CLEC16A: variants seen among roughly 807,000 people sequenced by gnomAD.
The protein encoded by CLEC16A is C-type lectin domain containing 16A.
CLEC16A carries 51 observed loss-of-function variants against 109.5 expected under a neutral mutation model. The observed-to-expected ratio is 0.47, with a 90% confidence interval of 0.37 to 0.59. The LOEUF is 0.59. CLEC16A is among the 20% of genes least tolerant of loss of function. The pLI is 0.00. For missense variants in CLEC16A, 1,339 were observed against 1,394.0 expected (o/e 0.96, Z 0.63); for synonymous variants, 673 against 564.2 (o/e 1.19, Z -2.73).
intron 13 of CLEC16A, among the ~76,000 whole-genome samples, chr16:11,032,444 T>C (rs1411526484): frequency 6.6e-6 from 1 of 152,222 alleles, no homozygotes; most frequent in Non-Finnish European, 1.5e-5. Flanking sequence ...TGAGAGGCTT[T>C]CTTATCATTC....
intron 19 of CLEC16A, among the ~76,000 whole-genome samples, chr16:11,088,031 C>T (rs1161804859): frequency 6.6e-6 from 1 of 152,256 alleles, no homozygotes; most frequent in Non-Finnish European, 1.5e-5. Context: ...ACCTTCAGAT[C>T]CTCTTTCCAT....
At chr16:11,014,688 G>A (rs536901857) in intron 11 of CLEC16A, among the ~76,000 whole-genome samples, 4 of 152,324 alleles carry the variant, frequency 2.6e-5, no homozygotes, top group South Asian at 4.1e-4. Flanking sequence ...TGGAAATCCA[G>A]CCTCAGTGCC....
At chr16:11,172,788 C>T (rs1341259567) in intron 23 of CLEC16A, among the ~76,000 whole-genome samples, 1 of 152,098 alleles carries the variant, frequency 6.6e-6, no homozygotes, top group Non-Finnish European at 1.5e-5. Flanking sequence ...ACTCGGGAGG[C>T]TGAGGCAGAA....
intron 22 of CLEC16A, chr16:11,136,257 G>C (rs1442334035): frequency 3.3e-5 from 5 of 152,242 alleles, no homozygotes; most frequent in Non-Finnish European, 7.3e-5. Flanking sequence ...GACAATGTGA[G>C]TGGACTTAAG....
chr16:11,164,159 G>A (rs917976802), intron 22 of CLEC16A, among the ~76,000 whole-genome samples: 21 of 152,104 alleles, frequency 1.4e-4, no homozygotes, highest in Non-Finnish European at 2.2e-4. Flanking sequence ...CTTTCTCTCC[G>A]CAAGCAGACC....
chr16:11,031,698 C>T (rs1427948495), intron 13 of CLEC16A, among the ~76,000 whole-genome samples: 11 of 152,164 alleles, frequency 7.2e-5, no homozygotes, highest in Non-Finnish European at 1.6e-4. Context: ...TCTGGATTCT[C>T]TTAGAGGAGA....
At chr16:11,064,725 C>T (rs887464349) in intron 19 of CLEC16A, among the ~76,000 whole-genome samples, 3 of 152,112 alleles carry the variant, frequency 2.0e-5, no homozygotes, top group African/African-American at 7.2e-5. Context: ...TGCAGTGAAC[C>T]CTGATCATGC....
At chr16:10,999,961 C>G (rs945024214) in intron 10 of CLEC16A, among the ~76,000 whole-genome samples, 4 of 152,134 alleles carry the variant, frequency 2.6e-5, no homozygotes, top group South Asian at 2.1e-4. Flanking sequence ...CTCAGCCTCC[C>G]GAGTAGTTGG....
chr16:10,947,913 GATA>G (rs1176558069), intron 1 of CLEC16A, among the ~76,000 whole-genome samples: 12 of 142,524 alleles, frequency 8.4e-5, no homozygotes, highest in African/African-American at 2.1e-4. Flanking sequence ...TTTTTTTTGA[GATA>G]AGAGTCTTGC....
At chr16:11,163,668 T>C (rs184205628) in intron 22 of CLEC16A, among the ~76,000 whole-genome samples, 1 of 152,330 alleles carries the variant, frequency 6.6e-6, no homozygotes, top group East Asian at 1.9e-4. Context: ...TTTATGATGC[T>C]GTAATAAACC....
intron 18 of CLEC16A, among the ~76,000 whole-genome samples, chr16:11,057,720 C>T (rs139674130): frequency 2.6e-4 from 40 of 152,238 alleles, no homozygotes; most frequent in African/African-American, 8.2e-4. Context: ...TTTAAATTTG[C>T]GTCTTTATTT....
At chr16:10,962,709 A>G (rs2042308636) in intron 3 of CLEC16A, 121 bp downstream of exon 3, 2 of 1,061,404 alleles carry the variant, frequency 1.9e-6, no homozygotes, top group Non-Finnish European at 2.8e-6. Context: ...ACAAAATACC[A>G]TAGACTGAGT....
chr16:10,979,102 T>C lies in CLEC16A; in HGVS notation c.904-227T>C, dbSNP rs184690142. Among the ~76,000 whole-genome samples the C allele has an allele frequency of 6.6e-5, 10 of 152,180 alleles. No individual in the cohort carries two copies. The East Asian group carries it at 1.5e-3, about 24-fold the overall frequency. ...TCAGCCTCTCATCCGTGAGTAATGGTGAAAGGTTTCTCAGATGGAAAAATA... is the reference window on the plus strand; with the variant it reads ...TCAGCCTCTCATCCGTGAGTAATGGCGAAAGGTTTCTCAGATGGAAAAATA... On this transcript the variant is annotated intron_variant, in intron 8 of 23. Transcript: ENST00000409790.
intron 18 of CLEC16A, among the ~76,000 whole-genome samples, chr16:11,051,894 C>T (rs2047962953): frequency 6.6e-6 from 1 of 152,210 alleles, no homozygotes; most frequent in Non-Finnish European, 1.5e-5. Flanking sequence ...TTCACCAGTG[C>T]AGACAGACAA....
At chr16:10,973,887 CTTTTTTTTTTTTTTTTTTT>C (rs569414844) in intron 7 of CLEC16A, among the ~76,000 whole-genome samples, 1 of 46,586 alleles carries the variant, frequency 2.1e-5, no homozygotes, top group African/African-American at 1.2e-4. Flanking sequence ...GGGCTGCTTG[CTTTTTTTTTTTTTTTTTTT>C]TTTTTTTTTT....
rs1228425455 is a variant in CLEC16A, at chr16:10,962,629, A to G, written c.343+41A>G. 12 of 1,602,932 alleles carry G rather than the reference A, an allele frequency of 7.5e-6. No homozygotes were observed. In the East Asian group the frequency reaches 1.8e-4, roughly 24 times the overall value. The stretch of plus-strand genomic sequence containing the variant: ...GGTATTTGCCTCTGTGCTGCTGTGC[A>G]TGTAGCAGGGTGAAGTTGGGCGTGG... On this transcript the variant is annotated intron_variant, in intron 3 of 23. Coordinates refer to ENST00000409790, the MANE Select transcript of CLEC16A (RefSeq NM_015226.3).
intron 3 of CLEC16A, among the ~76,000 whole-genome samples, chr16:10,966,871 T>C (rs183262373): frequency 3.4e-4 from 52 of 152,320 alleles, no homozygotes; most frequent in Admixed American, 3.0e-3. Context: ...TGAGACTTAG[T>C]TGGGGACATA....
chr16:11,154,445 C>T (rs188157575), intron 22 of CLEC16A, among the ~76,000 whole-genome samples: 73 of 152,264 alleles, frequency 4.8e-4, no homozygotes, highest in Non-Finnish European at 2.9e-5. Flanking sequence ...CATATAAATC[C>T]TTTAAACCTA....
At chr16:11,131,996 C>T (rs1250837160) in intron 22 of CLEC16A, among the ~76,000 whole-genome samples, 3 of 152,204 alleles carry the variant, frequency 2.0e-5, no homozygotes, top group East Asian at 1.9e-4. Context: ...GGCTCTGCTC[C>T]GATACCTCAA....
Sources: allele counts gnomAD v4.1 joint callset (sites outside exome capture counted in the v4.1 genomes callset), GRCh38; gene constraint gnomAD v4.1.1; transcripts MANE v1.5; gene names NCBI Gene and HGNC (gene_info 2026-07-23, HGNC 2026-07-21).